Variants in ARHGEF33 observed in about 807,000 individuals in gnomAD.
The protein encoded by ARHGEF33 is Rho guanine nucleotide exchange factor 33, also known as DH and coiled-coil domain-containing protein ENSP00000381780.
In ARHGEF33, 72 loss-of-function variants were observed where a neutral mutation model predicts 101.9. The ratio of observed to expected loss-of-function variants is 0.71; its 90% CI spans 0.58 to 0.86. ARHGEF33 has a LOEUF of 0.86. Among genes scored for constraint, ARHGEF33 ranks in the 40% least tolerant of loss-of-function variants. The pLI is 0.00. For missense variants in ARHGEF33, 1,169 were observed against 1,111.3 expected (o/e 1.05, Z -0.74); for synonymous variants, 499 against 442.5 (o/e 1.13, Z -1.60).
rs1307532826 is a variant in ARHGEF33 at position 38,966,015 on chromosome 2, T to G, written c.2353T>G (p.Leu785Val). Residue 785 changes from leucine to valine, a missense_variant, in exon 17 of 18, where the codon TTA becomes GTA. Leu to Val is a conservative substitution (Grantham distance 32). Coordinates refer to ENST00000409978, the MANE Select transcript of ARHGEF33 (RefSeq NM_001145451.5). ...TCTTTTTTGTTTCCAGGAGATGCATTTAGAAGATACTACCAGATTCTGTCC... is the reference window on the plus strand; with the variant it reads ...TCTTTTTTGTTTCCAGGAGATGCATGTAGAAGATACTACCAGATTCTGTCC... ...TYLEVRREMH[L>V]EDTTRFCPKE... 1 of 1,551,504 alleles carries G rather than the reference T, an allele frequency of 6.4e-7. No individual in the cohort carries two copies. Among genetic ancestry groups the G allele is most frequent in the East Asian group, 2.4e-5 (1 of 40,920 alleles).
intron 2 of ARHGEF33, among the ~76,000 whole-genome samples, chr2:38,917,171 A>G (rs1666653276): frequency 7.0e-6 from 1 of 142,346 alleles, no homozygotes; most frequent in Non-Finnish European, 1.5e-5. Flanking sequence ...AGCTCACTGC[A>G]ACCTCTGCGT....
chr2:38,965,966 G>T (rs1422668899), intron 16 of ARHGEF33, 40 bp from the exon 17 acceptor site: 1 of 1,547,896 alleles, frequency 6.5e-7, no homozygotes. Context: ...TAATAACATT[G>T]GAAGGAGTAA....
intron 8 of ARHGEF33, among the ~76,000 whole-genome samples, chr2:38,936,583 C>T (rs1456847830): frequency 6.6e-6 from 1 of 152,192 alleles, no homozygotes; most frequent in Non-Finnish European, 1.5e-5. Context: ...AGACCAGAAA[C>T]AGAGGGAACC....
chr2:38,943,084 C>T (rs1289211221), intron 9 of ARHGEF33, among the ~76,000 whole-genome samples: 3 of 152,118 alleles, frequency 2.0e-5, no homozygotes, highest in South Asian at 2.1e-4. Context: ...TGTGCCACCA[C>T]ATCTGGTTAA....
At chr2:38,972,911 C>G (rs1668197367) in intron 17 of ARHGEF33, 1 of 152,166 alleles carries the variant, frequency 6.6e-6, no homozygotes, top group African/African-American at 2.4e-5. Context: ...TTCTTAGTGT[C>G]TGGACTAGTT....
In ARHGEF33 at chr2:38,928,906, G is replaced by T; in HGVS notation, c.76-1G>T. 1.3e-6 allele frequency: 2 copies of T among 1,546,238 alleles called. No homozygotes were observed. Among genetic ancestry groups the T allele is most frequent in the Admixed American group, 2.0e-5 (1 of 50,012 alleles). On this transcript the variant is annotated splice_acceptor_variant, in intron 4 of 17. Coordinates refer to ENST00000409978, the MANE Select transcript of ARHGEF33 (RefSeq NM_001145451.5). LOFTEE classifies it high-confidence loss of function. ...GAATTAACTTTTCATGCATTATTTA[G>T]TTGCAGGCCCTAGCCTCCGAACTCA...
At position 38,960,584 on chromosome 2, in the gene ARHGEF33, C is replaced by T. The variant is rs554044085; in HGVS notation, c.2279C>T (p.Ser760Phe). Reference sequence around the variant, plus strand: ...GCCGCCGTCGCCGCCCGCGGCGCATCCAGGACCTTCTTCCCCCAACAGAGG... The same window carrying T: ...GCCGCCGTCGCCGCCCGCGGCGCATTCAGGACCTTCTTCCCCCAACAGAGG... ...AAAAVAARGA[S>F]RTFFPQQRSQ... is the part of the protein sequence containing the mutation. Residue 760 changes from serine (S) to phenylalanine (F), a missense_variant, in exon 16 of 18, where the codon TCC (serine) becomes TTC (phenylalanine). Ser to Phe is a radical substitution (Grantham distance 155). Coordinates refer to ENST00000409978, the MANE Select transcript of ARHGEF33 (RefSeq NM_001145451.5). The T allele has an allele frequency of 3.2e-5, 44 of 1,380,878 alleles. No homozygotes were observed. The highest frequency in any genetic ancestry group is 2.2e-4 in the South Asian group (16 of 73,882). 85.5% of individuals were successfully genotyped at this position (1,380,878 alleles called of 1,614,324 possible). A position where few individuals can be genotyped will look rare whatever the true frequency, so the allele number is the denominator to read the frequency against.
chr2:38,895,602 A>G (rs1468097955), intron 1 of ARHGEF33, among the ~76,000 whole-genome samples, 175 bp from the exon 2 acceptor site: 2 of 152,164 alleles, frequency 1.3e-5, no homozygotes, highest in Admixed American at 1.3e-4. Context: ...GACTAAAAGA[A>G]ACAAAGACTT....
Position 38,943,952 on chromosome 2 carries a change from T to C in ARHGEF33, c.842T>C (p.Val281Ala). Reference protein sequence around the residue: ...LELLESERKYVINISLILKIK... With the variant: ...LELLESERKYAINISLILKIK... ...CTGCTTGAATCTGAAAGAAAATATG[T>C]CATTAACATCTCTCTGATCTTGAAG... The change falls in exon 10 of 18, where the codon GTC (valine) becomes GCC (alanine). Residue 281 changes from valine (V) to alanine (A), a missense_variant. By Grantham distance (64) the Val-to-Ala change is moderately conservative (BLOSUM62 0). Transcript: ENST00000409978. 6.4e-7 allele frequency: 1 copy of C among 1,551,750 alleles called. No homozygotes were observed. Among genetic ancestry groups the C allele is most frequent in the East Asian group, 2.4e-5 (1 of 40,916 alleles).
chr2:38,931,337 G>T, intron 7 of ARHGEF33, 86 bp downstream of exon 7: 1 of 1,234,182 alleles, frequency 8.1e-7, no homozygotes, highest in South Asian at 1.7e-5. Context: ...CTCCATCTTT[G>T]TTAGAAGAAA....
rs188313605 is a variant in ARHGEF33 at position 38,975,386 on chromosome 2, C to T, written c.*1543C>T. ...AGTGCTTGCAAGCACAACGCCAAAT[C>T]GACTGGACGTGGAAAGTGAAATACT... On this transcript the variant is annotated 3_prime_UTR_variant, in exon 18 of 18. Transcript: ENST00000409978. The T allele has an allele frequency of 8.5e-5, 13 of 152,318 alleles. No homozygotes were observed. Among genetic ancestry groups the T allele is most frequent in the Admixed American group, 6.5e-4 (10 of 15,300 alleles). The allele number at this position is 152,318 out of a possible 1,614,324, so 9.4% of individuals were successfully genotyped here.
intron 6 of ARHGEF33, among the ~76,000 whole-genome samples, chr2:38,930,503 C>A (rs1441493943): frequency 6.6e-6 from 1 of 151,560 alleles, no homozygotes. Context: ...GTGGCCATCA[C>A]GCTAGCTAAT....
At chr2:38,939,033 C>T (rs959429205) in intron 9 of ARHGEF33, among the ~76,000 whole-genome samples, 10 of 152,068 alleles carry the variant, frequency 6.6e-5, no homozygotes, top group Admixed American at 3.3e-4. Flanking sequence ...AGTGCAATGT[C>T]GTGATCTTGG....
rs1666957131 is a variant in ARHGEF33, at chr2:38,929,900, A to C, written c.362+70A>C. On this transcript the variant is annotated intron_variant, in intron 6 of 17. Transcript: ENST00000409978. ...TGGCTTCTGCAGAGGCACCTGGTAC[A>C]CATTCCCCACTATCAGTGTATAGCT... 6 of 1,370,140 alleles carry C rather than the reference A, an allele frequency of 4.4e-6. No homozygotes were observed. In the Admixed American group the frequency reaches 1.3e-4, roughly 29 times the overall value. The allele number at this position is 1,370,140 out of a possible 1,614,324, so 84.9% of individuals were successfully genotyped here. A position where few individuals can be genotyped will look rare whatever the true frequency, so the allele number is the denominator to read the frequency against.
rs1175949949 is a variant in ARHGEF33, at chr2:38,958,134, G to A, written c.1471G>A (p.Gly491Arg). Residue 491 changes from glycine (G) to arginine (R), a missense_variant, in exon 15 of 18, where the codon GGG becomes AGG. Physicochemically the swap from Gly to Arg is moderately radical, Grantham distance 125. Transcript: ENST00000409978. ...TAGPEAVRDTGIHSEELLQPY... is the reference protein window; with the variant it reads ...TAGPEAVRDTRIHSEELLQPY... The stretch of plus-strand genomic sequence containing the variant: ...AGGTCCTGAGGCTGTCCGTGACACT[G>A]GGATCCACTCAGAAGAGTTGCTGCA... The A allele has an allele frequency of 6.4e-7, 1 of 1,551,944 alleles. No homozygotes were observed. Among genetic ancestry groups the A allele is most frequent in the East Asian group, 2.4e-5 (1 of 40,908 alleles).
chr2:38,908,667 C>T (rs1666446027), intron 2 of ARHGEF33, among the ~76,000 whole-genome samples: 1 of 152,124 alleles, frequency 6.6e-6, no homozygotes, highest in African/African-American at 2.4e-5. Flanking sequence ...ATGGAATTAC[C>T]TATTCTCTGT....
At chr2:38,930,291 A>G (rs909989676) in intron 6 of ARHGEF33, among the ~76,000 whole-genome samples, 1 of 152,094 alleles carries the variant, frequency 6.6e-6, no homozygotes, top group Non-Finnish European at 1.5e-5. Flanking sequence ...AAGTTTCACC[A>G]TTAAACATAT....
intron 9 of ARHGEF33, among the ~76,000 whole-genome samples, chr2:38,939,182 C>A (rs1033814955): frequency 6.6e-6 from 1 of 152,164 alleles, no homozygotes; most frequent in Admixed American, 6.5e-5. Flanking sequence ...CTGTGTTGGC[C>A]AGGCTAGTCT....
chr2:38,942,113 C>T (rs1223435736), intron 9 of ARHGEF33, among the ~76,000 whole-genome samples: 1 of 147,978 alleles, frequency 6.8e-6, no homozygotes, highest in Non-Finnish European at 1.5e-5. Context: ...GGATTGATTT[C>T]TCAACTGCCA....
Sources: gnomAD v4.1 joint callset for allele counts (sites outside exome capture counted in the v4.1 genomes callset) on GRCh38, gnomAD v4.1.1 for gene constraint, MANE v1.5 for transcripts, NCBI Gene and HGNC (gene_info 2026-07-23, HGNC 2026-07-21) for gene names.